GLDC: variants seen among roughly 807,000 people sequenced by gnomAD.
The protein encoded by GLDC is glycine dehydrogenase (decarboxylating), mitochondrial.
Under a neutral mutation model 121.3 loss-of-function variants are expected in GLDC, and 104 were observed. That is an observed-to-expected ratio of 0.86 (90% CI 0.73 to 1.01). The LOEUF (loss-of-function observed/expected upper bound fraction) is 1.01. GLDC is among the 50% of genes least tolerant of loss of function. GLDC has a pLI of 0.00. For missense variants in GLDC, 1,429 were observed against 1,306.6 expected (o/e 1.09, Z -1.44); for synonymous variants, 546 against 480.6 (o/e 1.14, Z -1.78).
chr9:6,625,986 T>C (rs1819229489), intron 2 of GLDC, among the ~76,000 whole-genome samples: 1 of 152,056 alleles, frequency 6.6e-6, no homozygotes, highest in East Asian at 1.9e-4. Flanking sequence ...CTGAACTAAA[T>C]CAAACTCCAG....
intron 2 of GLDC, among the ~76,000 whole-genome samples, chr9:6,644,358 G>A (rs1337791126): frequency 6.6e-6 from 1 of 152,038 alleles, no homozygotes; most frequent in Non-Finnish European, 1.5e-5. Context: ...ACAAAACGCA[G>A]GGGAAGCTCG....
In GLDC at chr9:6,588,573, G is replaced by A. The variant is rs1458936600; in HGVS notation, c.1665+45C>T. On this transcript the variant is annotated intron_variant, in intron 13 of 24. Coordinates refer to ENST00000321612, the MANE Select transcript of GLDC (RefSeq NM_000170.3). ...TATTAGGTAGGACCAAGAGACGTGG[G>A]ATTGGGGTAGCTTGGAAATGAGAAA... The A allele has an allele frequency of 3.3e-6, 5 of 1,494,370 alleles. No homozygotes were observed. The South Asian group carries it at 5.6e-5, about 17-fold the overall frequency. The allele number at this position is 1,494,370 out of a possible 1,614,324, so 92.6% of individuals were successfully genotyped here.
rs1554652791 is a variant in GLDC, at chr9:6,645,328, GCAGAAGGCGCTC to G, written c.160_171del (p.Glu54_Leu57del). ...CTCCGAGCGAAGTCGTCGTGTCTGG[GCAGAAGGCGCTC>G]CAGGAGGCGCGAGGCCCCAGCCGCG... is the stretch of plus-strand genomic sequence containing the variant. On this transcript the variant is annotated inframe_deletion, in exon 1 of 25. Coordinates refer to ENST00000321612, the MANE Select transcript of GLDC (RefSeq NM_000170.3). 5 of 1,575,614 alleles carry G rather than the reference GCAGAAGGCGCTC, an allele frequency of 3.2e-6. No homozygotes were observed. Among genetic ancestry groups the G allele is most frequent in the Middle Eastern group, 2.1e-4 (1 of 4,690 alleles).
intron 18 of GLDC, 31 bp from the exon 19 acceptor site, chr9:6,554,812 G>A (rs759529980): frequency 6.4e-7 from 1 of 1,551,838 alleles, no homozygotes; most frequent in Non-Finnish European, 8.8e-7. Flanking sequence ...AAAAGCAAAA[G>A]TCAAGAGCTT....
chr9:6,605,094 C>A (rs141610980), intron 6 of GLDC, 37 bp downstream of exon 6: 2 of 1,584,504 alleles, frequency 1.3e-6, no homozygotes, highest in Admixed American at 1.7e-5. Flanking sequence ...AGTTGGGATA[C>A]GCCTCCACGG....
intron 2 of GLDC, among the ~76,000 whole-genome samples, chr9:6,644,079 C>G (rs1035439082): frequency 2.0e-5 from 2 of 99,696 alleles, no homozygotes; most frequent in South Asian, 3.3e-4. Context: ...AAAAGAAAAA[C>G]CATTCGGACT....
At chr9:6,573,342 T>C (rs1818001264) in intron 15 of GLDC, among the ~76,000 whole-genome samples, 1 of 152,046 alleles carries the variant, frequency 6.6e-6, no homozygotes, top group Non-Finnish European at 1.5e-5. Flanking sequence ...ACACCTGTAA[T>C]CCCAGCTACT....
Position 6,533,110 on chromosome 9 carries a change from A to G in GLDC, c.2970T>C (p.Asp990=), listed in dbSNP as rs764054067. Residue 990 remains aspartate, a synonymous_variant, in exon 25 of 25, where the codon GAT becomes GAC. Transcript: ENST00000321612. The stretch of plus-strand genomic sequence containing the variant: ...CCAGGTGCTGATCTCCATATATGTC[A>G]TCAATCCGGGCAATCGTTGGCCAGA... The part of the protein sequence containing the change: ...NKFWPTIARI[D]DIYGDQHLVC... The G allele has an allele frequency of 6.2e-7, 1 of 1,612,452 alleles. No homozygotes were observed. Among genetic ancestry groups the G allele is most frequent in the Admixed American group, 1.7e-5 (1 of 60,010 alleles).
intron 2 of GLDC, among the ~76,000 whole-genome samples, chr9:6,629,884 TAATA>T (rs980111379): frequency 6.8e-6 from 1 of 146,536 alleles, no homozygotes; most frequent in African/African-American, 2.6e-5. Context: ...AAGAAATTGA[TAATA>T]AATACAAGAT....
intron 16 of GLDC, among the ~76,000 whole-genome samples, chr9:6,563,620 G>A (rs1563839018): frequency 1.3e-5 from 2 of 152,188 alleles, no homozygotes; most frequent in Admixed American, 6.5e-5. Flanking sequence ...CTGTGAAAGT[G>A]CCGAGACTCT....
intron 11 of GLDC, among the ~76,000 whole-genome samples, chr9:6,590,792 A>C (rs1242482432): frequency 1.3e-5 from 2 of 152,226 alleles, no homozygotes; most frequent in Non-Finnish European, 2.9e-5. Flanking sequence ...CTGTGATTAA[A>C]TTTAGTGCAG....
chr9:6,593,069 G>C, intron 9 of GLDC, 79 bp from the exon 10 acceptor site: 1 of 1,486,314 alleles, frequency 6.7e-7, no homozygotes, highest in South Asian at 1.1e-5. Context: ...GAATAATAAA[G>C]AGATAAATTC....
intron 2 of GLDC, among the ~76,000 whole-genome samples, chr9:6,622,474 C>T (rs897605288): frequency 1.3e-5 from 2 of 151,838 alleles, no homozygotes; most frequent in African/African-American, 2.4e-5. Flanking sequence ...CAGCTCCTAA[C>T]CGCGAGTGAT....
intron 2 of GLDC, among the ~76,000 whole-genome samples, chr9:6,638,587 A>G (rs1176158560): frequency 1.3e-5 from 2 of 152,068 alleles, no homozygotes; most frequent in Non-Finnish European, 1.5e-5. Flanking sequence ...ATTTCACATC[A>G]TTTCTGAACG....
intron 17 of GLDC, among the ~76,000 whole-genome samples, chr9:6,556,813 G>GA: frequency 6.6e-6 from 1 of 151,418 alleles, no homozygotes; most frequent in Non-Finnish European, 1.5e-5. Context: ...AAAGAAAAAA[G>GA]AAAAAAAGAA....
At chr9:6,606,563 G>A (rs746000767) in intron 5 of GLDC, 29 bp downstream of exon 5, 2 of 1,282,310 alleles carry the variant, frequency 1.6e-6, no homozygotes, top group Non-Finnish European at 2.3e-6. Flanking sequence ...ACATTATACT[G>A]AGTTTAAAAC....
At chr9:6,534,223 T>C (rs1817067787) in intron 24 of GLDC, 1 of 157,514 alleles carries the variant, frequency 6.3e-6, no homozygotes. Flanking sequence ...AAAGCATCAT[T>C]TTGTTTCCTC....
intron 21 of GLDC, among the ~76,000 whole-genome samples, chr9:6,542,514 GGCC>G (rs1817289426): frequency 6.6e-6 from 1 of 152,018 alleles, no homozygotes; most frequent in Admixed American, 6.6e-5. Flanking sequence ...TGGGATTACA[GGCC>G]GTGAGCCACT....
intron 21 of GLDC, among the ~76,000 whole-genome samples, chr9:6,545,999 A>G (rs553925031): frequency 2.6e-5 from 4 of 152,202 alleles, no homozygotes; most frequent in African/African-American, 7.2e-5. Flanking sequence ...CTCTTTTGTA[A>G]TAACACTTTA....
Sources: gnomAD v4.1 joint callset for allele counts (sites outside exome capture counted in the v4.1 genomes callset) on GRCh38, gnomAD v4.1.1 for gene constraint, MANE v1.5 for transcripts, NCBI Gene and HGNC (gene_info 2026-07-23, HGNC 2026-07-21) for gene names.